RPS6KA5: variants seen among roughly 807,000 people sequenced by gnomAD.
The protein encoded by RPS6KA5 is ribosomal protein S6 kinase A5.
RPS6KA5 carries 27 observed loss-of-function variants against 85.5 expected under a neutral mutation model. The observed-to-expected ratio is 0.32, with a 90% confidence interval of 0.23 to 0.44. The LOEUF (loss-of-function observed/expected upper bound fraction) is 0.44, where lower values mean the gene tolerates loss of function less well. Ranked by LOEUF, RPS6KA5 falls within the 20% of genes least tolerant of loss-of-function variation. The pLI, the probability that RPS6KA5 is intolerant of heterozygous loss-of-function variation, is 1.00. For synonymous variants in RPS6KA5, 334 were observed against 348.2 expected (o/e 0.96, Z 0.46); for missense variants, 811 against 980.9 (o/e 0.83, Z 2.31).
At chr14:90,955,540 T>C (rs2038455514) in intron 3 of RPS6KA5, among the ~76,000 whole-genome samples, 1 of 152,212 alleles carries the variant, frequency 6.6e-6, no homozygotes, top group African/African-American at 2.4e-5. Flanking sequence ...CATTGTTTCC[T>C]ATGGTTGTGA....
At chr14:90,899,282 A>T in intron 12 of RPS6KA5, 47 bp downstream of exon 12, 1 of 1,273,050 alleles carries the variant, frequency 7.9e-7, no homozygotes, top group Non-Finnish European at 1.1e-6. Flanking sequence ...ACAACCCTGT[A>T]AGTGAATTAG....
chr14:90,952,409 G>A (rs186773656), intron 3 of RPS6KA5, among the ~76,000 whole-genome samples: 1 of 152,316 alleles, frequency 6.6e-6, no homozygotes, highest in Non-Finnish European at 1.5e-5. Context: ...AATTAATGAA[G>A]TGTTACAACG....
intron 14 of RPS6KA5, among the ~76,000 whole-genome samples, chr14:90,881,969 T>G (rs1368215416): frequency 6.6e-6 from 1 of 152,234 alleles, no homozygotes; most frequent in Non-Finnish European, 1.5e-5. Context: ...TTTAATCCAT[T>G]TGCATTTAAA....
At chr14:90,904,782 T>C (rs2035410778) in intron 8 of RPS6KA5, among the ~76,000 whole-genome samples, 1 of 152,172 alleles carries the variant, frequency 6.6e-6, no homozygotes, top group Non-Finnish European at 1.5e-5. Context: ...TCCCTATCAT[T>C]TAAAAAGTCA....
chr14:90,930,741 T>C (rs2036928686), intron 5 of RPS6KA5, among the ~76,000 whole-genome samples: 1 of 152,136 alleles, frequency 6.6e-6, no homozygotes, highest in South Asian at 2.1e-4. Context: ...TAGACATTTC[T>C]CCAAAGATAA....
chr14:90,921,712 A>G (rs2036407616), intron 6 of RPS6KA5, among the ~76,000 whole-genome samples: 2 of 152,232 alleles, frequency 1.3e-5, no homozygotes, highest in South Asian at 4.1e-4. Flanking sequence ...CAAAACCAGT[A>G]ACACACAAAC....
intron 14 of RPS6KA5, among the ~76,000 whole-genome samples, chr14:90,887,187 CTT>C (rs1311066838): frequency 2.0e-5 from 3 of 151,936 alleles, no homozygotes; most frequent in Admixed American, 2.0e-4. Flanking sequence ...AAAGAAAGGA[CTT>C]TTGTTTTTTG....
At chr14:90,877,965 A>T (rs150608541) in intron 14 of RPS6KA5, among the ~76,000 whole-genome samples, 2 of 152,244 alleles carry the variant, frequency 1.3e-5, no homozygotes, top group African/African-American at 4.8e-5. Flanking sequence ...CAAATGGTTA[A>T]TAAGTTTGTC....
intron 1 of RPS6KA5, among the ~76,000 whole-genome samples, chr14:91,012,107 C>T (rs904577845): frequency 1.3e-5 from 2 of 151,920 alleles, no homozygotes; most frequent in Non-Finnish European, 2.9e-5. Context: ...TTCTTTGAGA[C>T]ATCAGTTCAT....
Position 90,865,053 on chromosome 14 carries a change from CTTTTT to C in RPS6KA5, c.*7016_*7020del, listed in dbSNP as rs539260914. 1 of 151,970 alleles carries C rather than the reference CTTTTT, an allele frequency of 6.6e-6. No homozygotes were observed. Among genetic ancestry groups the C allele is most frequent in the East Asian group, 1.9e-4 (1 of 5,196 alleles). 9.4% of individuals were successfully genotyped at this position (151,970 alleles called of 1,614,324 possible). A position where few individuals can be genotyped will look rare whatever the true frequency, so the allele number is the denominator to read the frequency against. On this transcript the variant is annotated 3_prime_UTR_variant, in exon 17 of 17. Coordinates refer to ENST00000614987, the MANE Select transcript of RPS6KA5 (RefSeq NM_004755.4). Reference sequence around the variant, plus strand: ...ATCTTATGACTCAGTAGTTTCACTCCTTTTTTTTGTCTGTTTTTTTGAGACAGGGT... The same window carrying C: ...ATCTTATGACTCAGTAGTTTCACTCCTTTGTCTGTTTTTTTGAGACAGGGT...
At chr14:91,033,698 G>C (rs1272666421) in intron 1 of RPS6KA5, among the ~76,000 whole-genome samples, 2 of 152,148 alleles carry the variant, frequency 1.3e-5, no homozygotes, top group Non-Finnish European at 2.9e-5. Context: ...AAACTATTTT[G>C]AGATAAAATC....
intron 1 of RPS6KA5, among the ~76,000 whole-genome samples, chr14:91,054,627 C>A (rs1028928765): frequency 1.4e-5 from 2 of 139,858 alleles, no homozygotes; most frequent in African/African-American, 2.7e-5. Flanking sequence ...CACAGCAAGA[C>A]TCTGTCTCAG....
At chr14:90,883,739 T>TCA (rs2034002934) in intron 14 of RPS6KA5, among the ~76,000 whole-genome samples, 1 of 152,192 alleles carries the variant, frequency 6.6e-6, no homozygotes, top group African/African-American at 2.4e-5. Context: ...AATGATGTGG[T>TCA]ACCTCTGGGA....
rs1043508900 is a variant in RPS6KA5, at chr14:90,868,470, A to G, written c.*3604T>C. 6.6e-6 allele frequency: 1 copy of G among 152,210 alleles called. No individual in the cohort carries two copies. The highest frequency in any genetic ancestry group is 6.5e-5 in the Admixed American group (1 of 15,280). 9.4% of individuals were successfully genotyped at this position (152,210 alleles called of 1,614,324 possible). On this transcript the variant is annotated 3_prime_UTR_variant, in exon 17 of 17. Transcript: ENST00000614987. ...GATGTTACAGTAATAATTCATCTAT[A>G]TAACAATTATTTTGACATAAGTGGC...
chr14:90,952,460 A>C (rs1428469408), intron 3 of RPS6KA5, among the ~76,000 whole-genome samples: 2 of 152,256 alleles, frequency 1.3e-5, no homozygotes, highest in Non-Finnish European at 2.9e-5. Flanking sequence ...CACTTTAATC[A>C]CTGTGATCAT....
intron 3 of RPS6KA5, among the ~76,000 whole-genome samples, chr14:90,974,142 T>C (rs941846): frequency 1.3e-5 from 2 of 151,950 alleles, no homozygotes; most frequent in Admixed American, 6.6e-5. Context: ...GCTGTCACTA[T>C]GTAATCTAAT....
intron 7 of RPS6KA5, among the ~76,000 whole-genome samples, chr14:90,918,788 T>C (rs2036251865): frequency 6.6e-6 from 1 of 152,250 alleles, no homozygotes; most frequent in Non-Finnish European, 1.5e-5. Context: ...CAGAAGTGAC[T>C]TTGCATCTTT....
chr14:91,008,735 T>C (rs2041135271), intron 1 of RPS6KA5, among the ~76,000 whole-genome samples: 1 of 152,240 alleles, frequency 6.6e-6, no homozygotes, highest in African/African-American at 2.4e-5. Flanking sequence ...TATATGGAAC[T>C]AGCTGGCTCA....
At chr14:90,880,431 T>C (rs1209353981) in intron 14 of RPS6KA5, among the ~76,000 whole-genome samples, 1 of 152,232 alleles carries the variant, frequency 6.6e-6, no homozygotes, top group Non-Finnish European at 1.5e-5. Context: ...TAATCATCTA[T>C]GTTTTTGTAC....
Sources: allele counts gnomAD v4.1 joint callset (sites outside exome capture counted in the v4.1 genomes callset), GRCh38; gene constraint gnomAD v4.1.1; transcripts MANE v1.5; gene names NCBI Gene and HGNC (gene_info 2026-07-23, HGNC 2026-07-21).